Variants in IRAK1 observed in about 807,000 individuals in gnomAD.
IRAK1 encodes the protein interleukin 1 receptor associated kinase 1.
Under a neutral mutation model 49.8 loss-of-function variants are expected in IRAK1, and 9 were observed. That is an observed-to-expected ratio of 0.18 (90% confidence interval 0.11 to 0.32). The LOEUF (loss-of-function observed/expected upper bound fraction) is 0.32. IRAK1 is among the 10% of genes least tolerant of loss of function. The probability of loss-of-function intolerance (pLI) is 1.00; values close to 1 mark genes in which losing one functional copy is unlikely to be tolerated. For missense variants in IRAK1, 418 were observed against 600.5 expected (o/e 0.70, Z 3.18); for synonymous variants, 282 against 270.8 (o/e 1.04, Z -0.41).
At chrX:154,016,383 C>T in intron 9 of IRAK1, 54 bp downstream of exon 9, 1 of 1,119,779 alleles carries the variant, frequency 8.9e-7, no homozygotes. Context: ...GCCCCCACCT[C>T]TGCCTGCCTG....
chrX:154,015,985 C>G (rs1449215803), intron 10 of IRAK1, 47 bp downstream of exon 10: 1 of 1,082,674 alleles, frequency 9.2e-7, no homozygotes, highest in Non-Finnish European at 1.3e-6. Context: ...TGCCTGCTGG[C>G]TGCCAGCAGC....
At position 154,011,931 on chromosome X, in the gene IRAK1, A is replaced by G; in HGVS notation, c.2081-14T>C. 8.3e-7 allele frequency: 1 copy of G among 1,202,100 alleles called. No individual in the cohort carries two copies. Among genetic ancestry groups the G allele is most frequent in the East Asian group, 3.0e-5 (1 of 33,818 alleles). ...CCAGGCCCAAGCCTACAGAAGGAAG[A>G]GGAAAGTCCGCTTAGCAAATGGGGG... On this transcript the variant is annotated splice_polypyrimidine_tract_variant and intron_variant, in intron 13 of 13. Coordinates refer to ENST00000369980, the MANE Select transcript of IRAK1 (RefSeq NM_001569.4).
rs11465833 is a variant in IRAK1 at position 154,017,760 on chromosome X, C to A, written c.909+246G>T. On this transcript the variant is annotated intron_variant, in intron 7 of 13. Coordinates refer to ENST00000369980, the MANE Select transcript of IRAK1 (RefSeq NM_001569.4). The stretch of plus-strand genomic sequence containing the variant: ...GTGGTGAGCTGAGATCACACCACTG[C>A]ACTCCAGCCTGGATGACAGAGCAAG... 2.0e-3 allele frequency among the ~76,000 whole-genome samples: 182 copies of A among 90,265 alleles called. 1 individual carries two copies. Among genetic ancestry groups the A allele is most frequent in the African/African-American group, 7.3e-3 (170 of 23,246 alleles). 78.4% of individuals were successfully genotyped at this position (90,265 alleles called of 115,157 possible).
At position 154,011,905 on chromosome X, in the gene IRAK1, T is replaced by C; in HGVS notation, c.2093A>G (p.Glu698Gly). The C allele has an allele frequency of 8.3e-7, 1 of 1,210,240 alleles. No individual in the cohort carries two copies. Among genetic ancestry groups the C allele is most frequent in the Non-Finnish European group, 1.1e-6 (1 of 894,552 alleles). Residue 698 changes from glutamate (E) to glycine (G), a missense_variant, in exon 14 of 14, where the codon GAA (glutamate) becomes GGA (glycine). This residue lies in a region of IRAK1 where 377 missense variants were observed against 499.5 expected (regional missense o/e 0.75). Coordinates refer to ENST00000369980, the MANE Select transcript of IRAK1 (RefSeq NM_001569.4). ...SSSSLPGLGL[E>G]QDRQGPEESD... is the part of the protein sequence containing the mutation. ...TTCTTCGGGCCCCTGCCTGTCCTGT[T>C]CCAGGCCCAAGCCTACAGAAGGAAG...
rs782096938 is a variant in IRAK1, at chrX:154,019,262, G to A, written c.371C>T (p.Pro124Leu). 16 of 1,199,169 alleles carry A rather than the reference G, an allele frequency of 1.3e-5. No individual in the cohort carries two copies. The highest frequency in any genetic ancestry group is 1.6e-5 in the Non-Finnish European group (14 of 889,317). The change falls in exon 3 of 14, where the codon CCC (proline) becomes CTC (leucine). Residue 124 changes from proline to leucine, a missense_variant. Physicochemically the swap from Pro to Leu is moderately conservative, Grantham distance 98 (BLOSUM62 -3). Transcript: ENST00000369980. The stretch of plus-strand genomic sequence containing the variant: ...GGGGCTCCAGGCCTCGGCCTCGGCG[G>A]GTGCAGGGATGCTGCTGGGCCTCGG... The part of the protein sequence containing the change: ...TAPRPSSIPA[P>L]AEAEAWSPRK...
chrX:154,012,523 C>G lies in IRAK1; in HGVS notation c.2080+6G>C. On this transcript the variant is annotated splice_donor_region_variant and intron_variant, in intron 13 of 13. Coordinates refer to ENST00000369980, the MANE Select transcript of IRAK1 (RefSeq NM_001569.4). ...GCACCCCAGAGGCCAGCCTGGGCGG[C>G]AGCACCTGGGAGGGAGCTGGACGAC... The G allele has an allele frequency of 8.3e-7, 1 of 1,205,315 alleles. No homozygotes were observed. Among genetic ancestry groups the G allele is most frequent in the African/African-American group, 1.7e-5 (1 of 57,894 alleles).
Position 154,018,738 on chromosome X carries a change from G to T in IRAK1, c.590C>A (p.Pro197Gln). 1 of 1,013,388 alleles carries T rather than the reference G, an allele frequency of 9.9e-7. No homozygotes were observed. The highest frequency in any genetic ancestry group is 1.9e-5 in the African/African-American group (1 of 53,924). The allele number at this position is 1,013,388 out of a possible 1,213,427, so 83.5% of individuals were successfully genotyped here. A position where few individuals can be genotyped will look rare whatever the true frequency, so the allele number is the denominator to read the frequency against. The change falls in exon 5 of 14, where the codon CCG (proline) becomes CAG (glutamine). Residue 197 changes from proline (P) to glutamine (Q), a missense_variant. This residue lies in a region of IRAK1 where 377 missense variants were observed against 499.5 expected (regional missense o/e 0.75). Transcript: ENST00000369980. ...AATCTCACAGAGGGGCCAGCAAAAC[G>T]GAAAGGGGCGGGCTCCCTGCAGGAG... is the stretch of plus-strand genomic sequence containing the variant. The part of the protein sequence containing the change: ...VSLLQGARPF[P>Q]FCWPLCEISR...
At position 154,019,872 on chromosome X, in the gene IRAK1, C is replaced by A. The variant is rs2065771266; in HGVS notation, c.-60G>T. ...TCTCAGGGCCGCGGCGGGCGCGGGC[C>A]TGGGCCGGCCGGGTCCGCGGACACT... On this transcript the variant is annotated 5_prime_UTR_variant, in exon 1 of 14. The change creates a new upstream start codon in the 5' untranslated region. Transcript: ENST00000369980. The A allele has an allele frequency of 1.6e-6, 1 of 633,152 alleles. No individual in the cohort carries two copies. Among genetic ancestry groups the A allele is most frequent in the South Asian group, 7.9e-5 (1 of 12,613 alleles). The allele number at this position is 633,152 out of a possible 1,213,427, so 52.2% of individuals were successfully genotyped here.
intron 5 of IRAK1, 76 bp downstream of exon 5, chrX:154,018,523 C>A: frequency 1.0e-6 from 1 of 961,611 alleles, no homozygotes; most frequent in Non-Finnish European, 1.5e-6. Context: ...TGTGGGGAAG[C>A]GAGGGGGAAA....
At position 154,016,064 on chromosome X, in the gene IRAK1, C is replaced by T. The variant is rs782041900; in HGVS notation, c.1270G>A (p.Val424Met). ...TTGGTCCTGGCACCGTGCGTCTTCA[C>T]AGCCCTCTGACCAGCCAAGGTCTCT... ...VLETLAGQRA[V>M]KTHGARTKYL... is the part of the protein sequence containing the mutation. The change falls in exon 10 of 14, where the codon GTG becomes ATG. Residue 424 changes from valine to methionine, a missense_variant. Physicochemically the swap from Val to Met is conservative, Grantham distance 21 (BLOSUM62 1). Around this residue, in one of 3 missense-constraint regions of IRAK1, gnomAD observed 377 missense variants for 499.5 expected, o/e 0.75. Coordinates refer to ENST00000369980, the MANE Select transcript of IRAK1 (RefSeq NM_001569.4). The T allele has an allele frequency of 8.3e-7, 1 of 1,210,833 alleles. No individual in the cohort carries two copies.
chrX:154,011,795 A>G lies in IRAK1; in HGVS notation c.*64T>C, dbSNP rs782283731. 107 of 1,082,345 alleles carry G rather than the reference A, an allele frequency of 9.9e-5. No individual in the cohort carries two copies. In the African/African-American group the frequency reaches 1.2e-3, roughly 12 times the overall value. The allele number at this position is 1,082,345 out of a possible 1,213,427, so 89.2% of individuals were successfully genotyped here. ...GCAGAGTGCTGAGGACTCGTGCACC[A>G]TGAGAACTTCTGACCATGAGAACTT... On this transcript the variant is annotated 3_prime_UTR_variant, in exon 14 of 14. Coordinates refer to ENST00000369980, the MANE Select transcript of IRAK1 (RefSeq NM_001569.4).
At position 154,014,257 on chromosome X, in the gene IRAK1, C is replaced by A; in HGVS notation, c.1324G>T (p.Ala442Ser). 8.3e-7 allele frequency: 1 copy of A among 1,208,179 alleles called. No individual in the cohort carries two copies. Among genetic ancestry groups the A allele is most frequent in the Admixed American group, 2.2e-5 (1 of 45,234 alleles). Reference protein sequence around the residue: ...KYLKDLVEEEAEEAGVALRST... With the variant: ...KYLKDLVEEESEEAGVALRST... ...CTCAAAGCCACTCCAGCCTCCTCAG[C>A]CTCCTCTTCCACCAGGTCTTTCTGT... The change falls in exon 11 of 14, where the codon GCT (alanine) becomes TCT (serine). Residue 442 changes from alanine (A) to serine (S), a missense_variant. Ala to Ser is a moderately conservative substitution (Grantham distance 99). Around this residue, in one of 3 missense-constraint regions of IRAK1, gnomAD observed 377 missense variants for 499.5 expected, o/e 0.75. Coordinates refer to ENST00000369980, the MANE Select transcript of IRAK1 (RefSeq NM_001569.4).
chrX:154,010,701 CAT>C lies in IRAK1; in HGVS notation c.*1156_*1157del. 1 of 237,705 alleles carries C rather than the reference CAT, an allele frequency of 4.2e-6. No individual in the cohort carries two copies. The highest frequency in any genetic ancestry group is 8.0e-6 in the Non-Finnish European group (1 of 124,533). The allele number at this position is 237,705 out of a possible 1,213,427, so 19.6% of individuals were successfully genotyped here. ...GACTTGCTTCTGAAGACATGTGATA[CAT>C]GTCTTTTCCCTGAAAATGTTTCCCT... On this transcript the variant is annotated 3_prime_UTR_variant, in exon 14 of 14. Transcript: ENST00000369980.
At position 154,013,299 on chromosome X, in the gene IRAK1, A is replaced by G; in HGVS notation, c.1674T>C (p.Ala558=). The G allele has an allele frequency of 8.3e-7, 1 of 1,209,660 alleles. No homozygotes were observed. Among genetic ancestry groups the G allele is most frequent in the Non-Finnish European group, 1.1e-6 (1 of 895,055 alleles). Residue 558 remains alanine (A), a synonymous_variant, in exon 12 of 14, where the codon GCT becomes GCC. Coordinates refer to ENST00000369980, the MANE Select transcript of IRAK1 (RefSeq NM_001569.4). ...GCGCTGCCAGGGGCTGCCATGGAGC[A>G]GCCCCACTGTGGGCTCTGCCAGTGC... is the stretch of plus-strand genomic sequence containing the variant. The part of the protein sequence containing the change: ...VSSTGRAHSG[A]APWQPLAAPS...
chrX:154,010,569 G>C lies in IRAK1; in HGVS notation c.*1290C>G, dbSNP rs1240096332. Reference sequence around the variant, plus strand: ...ACGTCACCAATGCCCAGCTTCACGGGGGCATGTAGTGTGACTCACGGCTGA... The same window carrying C: ...ACGTCACCAATGCCCAGCTTCACGGCGGCATGTAGTGTGACTCACGGCTGA... On this transcript the variant is annotated 3_prime_UTR_variant, in exon 14 of 14. Transcript: ENST00000369980. The C allele has an allele frequency of 7.5e-6, 1 of 133,815 alleles. No homozygotes were observed. Among genetic ancestry groups the C allele is most frequent in the African/African-American group, 3.1e-5 (1 of 31,789 alleles). The allele number at this position is 133,815 out of a possible 1,213,427, so 11.0% of individuals were successfully genotyped here.
At chrX:154,012,296 G>A (rs1393661605) in intron 13 of IRAK1, among the ~76,000 whole-genome samples, 1 of 112,742 alleles carries the variant, frequency 8.9e-6, no homozygotes, top group African/African-American at 3.2e-5. Flanking sequence ...AGCACAGAGT[G>A]GGGCAGGCAC....
intron 6 of IRAK1, 78 bp downstream of exon 6, chrX:154,018,213 G>T: frequency 9.4e-7 from 1 of 1,058,944 alleles, no homozygotes; most frequent in Non-Finnish European, 1.3e-6. Context: ...CAGGCCTCAG[G>T]TGCCCAAGGG....
intron 2 of IRAK1, 42 bp downstream of exon 2, chrX:154,019,389 G>A (rs922456675): frequency 1.8e-6 from 2 of 1,120,477 alleles, no homozygotes; most frequent in Non-Finnish European, 2.4e-6. Context: ...CGTGGGGCCC[G>A]CCGGCCTCCC....
rs368699271 is a variant in IRAK1 at position 154,014,406 on chromosome X, C to T, written c.1303-128G>A. On this transcript the variant is annotated intron_variant, in intron 10 of 13. Coordinates refer to ENST00000369980, the MANE Select transcript of IRAK1 (RefSeq NM_001569.4). The stretch of plus-strand genomic sequence containing the variant: ...AAAAAAAAAAAAAGAGATGGGGTCT[C>T]GCTTTGTTGGCCTGGCTGGTCTCCA... 107 of 665,859 alleles carry T rather than the reference C, an allele frequency of 1.6e-4. No homozygotes were observed. The African/African-American group carries it at 2.1e-3, about 13-fold the overall frequency. The allele number at this position is 665,859 out of a possible 1,213,427, so 54.9% of individuals were successfully genotyped here. A position where few individuals can be genotyped will look rare whatever the true frequency, so the allele number is the denominator to read the frequency against.
Sources: gnomAD v4.1 joint callset for allele counts (sites outside exome capture counted in the v4.1 genomes callset) on GRCh38, gnomAD v4.1.1 for gene constraint, gnomAD v4.1.1 regional missense constraint, MANE v1.5 for transcripts, NCBI Gene and HGNC (gene_info 2026-07-23, HGNC 2026-07-21) for gene names.